NXPH2: variants seen among roughly 807,000 people sequenced by gnomAD.
NXPH2 encodes neurexophilin 2.
In NXPH2, 5 loss-of-function variants were observed where a neutral mutation model predicts 19.8. The observed-to-expected ratio is 0.25, with a 90% CI of 0.13 to 0.53. The LOEUF is 0.53. Among genes scored for constraint, NXPH2 ranks in the 20% least tolerant of loss-of-function variants. The pLI is 0.96. For synonymous variants in NXPH2, 154 were observed against 127.4 expected (o/e 1.21, Z -1.41); for missense variants, 289 against 322.8 (o/e 0.90, Z 0.80).
chr2:138,691,909 A>C (rs1558914856), intron 1 of NXPH2, among the ~76,000 whole-genome samples: 3 of 152,230 alleles, frequency 2.0e-5, no homozygotes, highest in Non-Finnish European at 4.4e-5. Flanking sequence ...TCCAAAGTTC[A>C]GACCCATAAC....
chr2:138,712,501 C>T lies in NXPH2; in HGVS notation c.52-40836G>A, dbSNP rs531205881. Among the ~76,000 whole-genome samples, 7 of 152,318 alleles carry T rather than the reference C, an allele frequency of 4.6e-5. 1 individual carries two copies. The East Asian group carries it at 1.4e-3, about 29-fold the overall frequency. ...ATGGCCAACAATACAATCATCACAA[C>T]ATTGCCCCCCACCCTGGGATACTAA... is the stretch of plus-strand genomic sequence containing the variant. On this transcript the variant is annotated intron_variant, in intron 1 of 1. Transcript: ENST00000272641.
At chr2:138,720,330 G>A (rs1371582789) in intron 1 of NXPH2, among the ~76,000 whole-genome samples, 1 of 152,134 alleles carries the variant, frequency 6.6e-6, no homozygotes, top group East Asian at 1.9e-4. Context: ...TTTCTCACAG[G>A]CCATGACGAA....
At chr2:138,744,890 C>G (rs190110747) in intron 1 of NXPH2, among the ~76,000 whole-genome samples, 7 of 152,310 alleles carry the variant, frequency 4.6e-5, no homozygotes, top group African/African-American at 1.4e-4. Flanking sequence ...TGCCCACATG[C>G]TGTGGAAAAT....
At chr2:138,689,368 G>A (rs1185116740) in intron 1 of NXPH2, among the ~76,000 whole-genome samples, 1 of 152,154 alleles carries the variant, frequency 6.6e-6, no homozygotes, top group African/African-American at 2.4e-5. Context: ...GAGGGGCTTG[G>A]TCAGATGCAA....
intron 1 of NXPH2, among the ~76,000 whole-genome samples, chr2:138,762,539 A>C (rs1263052174): frequency 6.6e-6 from 1 of 152,218 alleles, no homozygotes; most frequent in Non-Finnish European, 1.5e-5. Context: ...ACTTGGTCAC[A>C]TGCCTTCACC....
rs115657405 is a variant in NXPH2, at chr2:138,731,522, A to C, written c.51+48669T>G. Among the ~76,000 whole-genome samples, 1,487 of 152,222 alleles carry C rather than the reference A, an allele frequency of 9.8e-3. 22 individuals are homozygous for C. The highest frequency in any genetic ancestry group is 0.033 in the African/African-American group (1,390 of 41,554). ...CTGGGCTTTGACAATTTAAGGTAAG[A>C]GTCATGATTAATATAATGATTGGGC... On this transcript the variant is annotated intron_variant, in intron 1 of 1. Coordinates refer to ENST00000272641, the MANE Select transcript of NXPH2 (RefSeq NM_007226.3).
chr2:138,698,521 C>T (rs1262886066), intron 1 of NXPH2, among the ~76,000 whole-genome samples: 5 of 151,924 alleles, frequency 3.3e-5, no homozygotes, highest in African/African-American at 9.7e-5. Flanking sequence ...CTAAAATATT[C>T]CCAGATGAAG....
chr2:138,725,507 G>A (rs1681343371), intron 1 of NXPH2, among the ~76,000 whole-genome samples: 1 of 152,136 alleles, frequency 6.6e-6, no homozygotes, highest in South Asian at 2.1e-4. Flanking sequence ...TTGGCTTAAA[G>A]GCAAGTCATT....
In NXPH2 at chr2:138,752,631, C is replaced by T. The variant is rs79249902; in HGVS notation, c.51+27560G>A. Reference sequence around the variant, plus strand: ...TTGATATATTATTATGAACTGAAGCCCATACTTTGTTCAGATTTCCTCAGT... The same window carrying T: ...TTGATATATTATTATGAACTGAAGCTCATACTTTGTTCAGATTTCCTCAGT... On this transcript the variant is annotated intron_variant, in intron 1 of 1. Coordinates refer to ENST00000272641, the MANE Select transcript of NXPH2 (RefSeq NM_007226.3). Among the ~76,000 whole-genome samples the T allele has an allele frequency of 1.5e-3, 224 of 152,068 alleles. 4 individuals are homozygous for T. In the East Asian group the frequency reaches 0.041, roughly 28 times the overall value.
intron 1 of NXPH2, among the ~76,000 whole-genome samples, chr2:138,738,375 C>T (rs1243031265): frequency 6.6e-6 from 1 of 152,094 alleles, no homozygotes; most frequent in East Asian, 1.9e-4. Context: ...GGACTCATTC[C>T]CCAAATGGAA....
At chr2:138,711,295 C>T (rs983936636) in intron 1 of NXPH2, among the ~76,000 whole-genome samples, 2 of 151,972 alleles carry the variant, frequency 1.3e-5, no homozygotes, top group Non-Finnish European at 2.9e-5. Flanking sequence ...CACCCACCAC[C>T]ACGCCCGGCT....
intron 1 of NXPH2, among the ~76,000 whole-genome samples, chr2:138,728,863 A>G (rs1042942857): frequency 1.3e-5 from 2 of 152,206 alleles, no homozygotes; most frequent in African/African-American, 4.8e-5. Context: ...TTCATCGTCT[A>G]GTCTAAATGT....
At position 138,749,580 on chromosome 2, in the gene NXPH2, T is replaced by C. The variant is rs77492215; in HGVS notation, c.51+30611A>G. On this transcript the variant is annotated intron_variant, in intron 1 of 1. Coordinates refer to ENST00000272641, the MANE Select transcript of NXPH2 (RefSeq NM_007226.3). Reference sequence around the variant, plus strand: ...ACGTTCAAGAATTAAGAGGTTTCTTTATGCTTTATCTTTCATCTGCCTCTT... The same window carrying C: ...ACGTTCAAGAATTAAGAGGTTTCTTCATGCTTTATCTTTCATCTGCCTCTT... Among the ~76,000 whole-genome samples the C allele has an allele frequency of 3.7e-3, 557 of 152,306 alleles. 5 individuals are homozygous for C. The highest frequency in any genetic ancestry group is 0.013 in the African/African-American group (537 of 41,576).
chr2:138,689,626 C>T (rs1215300646), intron 1 of NXPH2, among the ~76,000 whole-genome samples: 1 of 152,140 alleles, frequency 6.6e-6, no homozygotes, highest in East Asian at 1.9e-4. Context: ...TGTTCTGGAC[C>T]TAAATCGCAT....
chr2:138,775,748 C>G (rs538781207), intron 1 of NXPH2, among the ~76,000 whole-genome samples: 1 of 152,220 alleles, frequency 6.6e-6, no homozygotes, highest in East Asian at 1.9e-4. Context: ...ATCCTGCATA[C>G]TATAAGGATA....
chr2:138,727,451 T>TTTTG (rs767235448), intron 1 of NXPH2, among the ~76,000 whole-genome samples: 19 of 152,034 alleles, frequency 1.2e-4, no homozygotes, highest in South Asian at 2.1e-4. Context: ...TCTCACTGTT[T>TTTTG]TTTGTTTGTT....
chr2:138,723,231 G>A (rs1029864566), intron 1 of NXPH2, among the ~76,000 whole-genome samples: 2 of 152,112 alleles, frequency 1.3e-5, no homozygotes, highest in African/African-American at 4.8e-5. Context: ...CTCATCCAAG[G>A]AACTTTAATG....
In NXPH2 at chr2:138,773,275, C is replaced by T. The variant is rs535440823; in HGVS notation, c.51+6916G>A. ...GGTAAATTCGAGACTACGGAAAACA[C>T]GCTTTTGAAAACTTCATCTTTTTTT... On this transcript the variant is annotated intron_variant, in intron 1 of 1. Transcript: ENST00000272641. Among the ~76,000 whole-genome samples the T allele has an allele frequency of 5.3e-5, 8 of 152,332 alleles. No homozygotes were observed. The South Asian group carries it at 1.0e-3, about 20-fold the overall frequency.
intron 1 of NXPH2, among the ~76,000 whole-genome samples, chr2:138,682,943 T>C (rs1385796397): frequency 1.3e-5 from 2 of 152,194 alleles, no homozygotes; most frequent in African/African-American, 4.8e-5. Context: ...CATAGTTCTC[T>C]GTAAATATTT....
Sources: allele counts gnomAD v4.1 joint callset (sites outside exome capture counted in the v4.1 genomes callset), GRCh38; gene constraint gnomAD v4.1.1; transcripts MANE v1.5; gene names NCBI Gene and HGNC (gene_info 2026-07-23, HGNC 2026-07-21).